Variants in PEAK1 observed in about 807,000 individuals in gnomAD.
The protein encoded by PEAK1 is pseudopodium enriched atypical kinase 1.
A neutral mutation model predicts 124.7 loss-of-function variants in PEAK1; 54 were observed. The ratio of observed to expected loss-of-function variants is 0.43; its 90% CI spans 0.35 to 0.54. The LOEUF (loss-of-function observed/expected upper bound fraction) is 0.54. Among genes scored for constraint, PEAK1 ranks in the 20% least tolerant of loss-of-function variants. PEAK1 has a pLI of 0.01. For synonymous variants in PEAK1, 719 were observed against 760.0 expected, an observed-to-expected ratio of 0.95 and a Z score of 0.89; for missense variants, 2,046 against 2,134.5, an observed-to-expected ratio of 0.96 and a Z score of 0.82.
chr15:77,403,048 T>C lies in PEAK1; in HGVS notation c.-666+16958A>G, dbSNP rs561810963. The C allele has an allele frequency of 2.6e-5, 26 of 985,296 alleles. No individual in the cohort carries two copies. The African/African-American group carries it at 4.5e-4, about 17-fold the overall frequency. The allele number at this position is 985,296 out of a possible 1,614,324, so 61.0% of individuals were successfully genotyped here. A position where few individuals can be genotyped will look rare whatever the true frequency, so the allele number is the denominator to read the frequency against. On this transcript the variant is annotated intron_variant, in intron 1 of 9. Transcript: ENST00000682557. ...GCAATGATGAAATGTTGCATCCCAT[T>C]GCAGAAGAAAAAGATGGAGTTTCTC...
rs141459364 is a variant in PEAK1 at position 77,226,539 on chromosome 15, C to T, written c.-115+25828G>A. On this transcript the variant is annotated intron_variant, in intron 6 of 9. Transcript: ENST00000682557. ...CAGAGAGTGTTGTGGAATTTGAAAACCGAGATGCCATGTATTTTCTCTGAC... is the reference window on the plus strand; with the variant it reads ...CAGAGAGTGTTGTGGAATTTGAAAATCGAGATGCCATGTATTTTCTCTGAC... 3.7e-3 allele frequency among the ~76,000 whole-genome samples: 558 copies of T among 152,062 alleles called. 1 individual carries two copies. The highest frequency in any genetic ancestry group is 6.6e-3 in the Admixed American group (101 of 15,252).
intron 6 of PEAK1, among the ~76,000 whole-genome samples, chr15:77,189,302 C>T (rs1281010090): frequency 6.6e-6 from 1 of 152,084 alleles, no homozygotes; most frequent in Non-Finnish European, 1.5e-5. Context: ...TGAAACTTGC[C>T]CAAGGTCACA....
intron 8 of PEAK1, among the ~76,000 whole-genome samples, chr15:77,138,940 T>C (rs79801250): frequency 6.6e-6 from 1 of 152,146 alleles, no homozygotes; most frequent in African/African-American, 2.4e-5. Flanking sequence ...CTTTTTTTTT[T>C]ATAAACTTTT....
chr15:77,178,163 C>T (rs1394334932), intron 7 of PEAK1: 1 of 152,248 alleles, frequency 6.6e-6, no homozygotes, highest in Non-Finnish European at 1.5e-5. Flanking sequence ...TGCAATCTGT[C>T]TAGCTGAACT....
rs1205376632 is a variant in PEAK1 at position 77,178,842 on chromosome 15, C to G, written c.3085G>C (p.Glu1029Gln). 5 of 1,614,096 alleles carry G rather than the reference C, an allele frequency of 3.1e-6. No homozygotes were observed. In the East Asian group the frequency reaches 1.1e-4, roughly 36 times the overall value. ...RAENALLQDS[E>Q]KKRSHSSPSQ... is the part of the protein sequence containing the mutation. ...GGAGAAGAATGACTCCTCTTCTTCT[C>G]TGAGTCCTGTAGTAATGCATTCTCT... Residue 1029 changes from glutamate (E) to glutamine (Q), a missense_variant, in exon 7 of 10, where the codon GAG becomes CAG. By Grantham distance (29) the Glu-to-Gln change is conservative. Transcript: ENST00000682557.
chr15:77,203,417 T>G (rs1006502686), intron 6 of PEAK1, among the ~76,000 whole-genome samples: 4 of 152,186 alleles, frequency 2.6e-5, no homozygotes, highest in South Asian at 2.1e-4. Flanking sequence ...CAGAATACAA[T>G]GATGAAGTTT....
At chr15:77,268,227 C>A (rs570339763) in intron 5 of PEAK1, among the ~76,000 whole-genome samples, 60 of 152,324 alleles carry the variant, frequency 3.9e-4, no homozygotes, top group African/African-American at 1.4e-3. Context: ...ATAAGCCCAG[C>A]ACTTTGGGAG....
At chr15:77,169,122 C>A (rs1209651153) in intron 7 of PEAK1, among the ~76,000 whole-genome samples, 2 of 151,986 alleles carry the variant, frequency 1.3e-5, no homozygotes, top group African/African-American at 4.8e-5. Context: ...GAGAAGGGGG[C>A]CTTGCTATGT....
At chr15:77,387,414 CT>C (rs1359864372) in intron 1 of PEAK1, among the ~76,000 whole-genome samples, 6 of 152,142 alleles carry the variant, frequency 3.9e-5, no homozygotes, top group Non-Finnish European at 7.4e-5. Context: ...CACATCTTAC[CT>C]TTTGTTTAAG....
intron 1 of PEAK1, among the ~76,000 whole-genome samples, chr15:77,396,712 G>T (rs540698542): frequency 2.0e-5 from 3 of 152,048 alleles, no homozygotes; most frequent in South Asian, 4.2e-4. Flanking sequence ...GGTCAACTCA[G>T]CAATTAGATA....
chr15:77,272,203 T>A (rs1189968927), intron 5 of PEAK1, among the ~76,000 whole-genome samples: 3 of 152,014 alleles, frequency 2.0e-5, no homozygotes, highest in Non-Finnish European at 4.4e-5. Flanking sequence ...CTCAAGGAGC[T>A]AGAGAAAGAA....
At chr15:77,267,067 T>C (rs2061776397) in intron 5 of PEAK1, among the ~76,000 whole-genome samples, 1 of 152,098 alleles carries the variant, frequency 6.6e-6, no homozygotes, top group Non-Finnish European at 1.5e-5. Flanking sequence ...GGACTCTGGC[T>C]GCCGGCATTC....
intron 7 of PEAK1, among the ~76,000 whole-genome samples, chr15:77,162,199 T>G (rs1260101951): frequency 6.6e-6 from 1 of 151,634 alleles, no homozygotes; most frequent in African/African-American, 2.4e-5. Flanking sequence ...ATTAATTTAG[T>G]AAGGGAATTT....
chr15:77,224,951 G>A (rs1228459542), intron 6 of PEAK1, among the ~76,000 whole-genome samples: 1 of 151,654 alleles, frequency 6.6e-6, no homozygotes, highest in Non-Finnish European at 1.5e-5. Flanking sequence ...TAATGTCTTT[G>A]CCTCTAGGTC....
At chr15:77,293,309 T>C (rs1435576193) in intron 2 of PEAK1, among the ~76,000 whole-genome samples, 1 of 152,220 alleles carries the variant, frequency 6.6e-6, no homozygotes, top group African/African-American at 2.4e-5. Context: ...CATTTCCTGG[T>C]ACCCATGTAA....
chr15:77,295,651 G>C (rs2063447427), intron 2 of PEAK1, among the ~76,000 whole-genome samples: 1 of 152,168 alleles, frequency 6.6e-6, no homozygotes, highest in Admixed American at 6.5e-5. Flanking sequence ...TTCCAACACA[G>C]TATTACATAA....
At chr15:77,188,155 T>G (rs1441333033) in intron 6 of PEAK1, among the ~76,000 whole-genome samples, 2 of 152,160 alleles carry the variant, frequency 1.3e-5, no homozygotes, top group Non-Finnish European at 2.9e-5. Context: ...AAAAAAAAAT[T>G]ATCATTCCTT....
At chr15:77,319,905 T>G (rs963521509) in intron 2 of PEAK1, among the ~76,000 whole-genome samples, 8 of 152,196 alleles carry the variant, frequency 5.3e-5, no homozygotes, top group African/African-American at 1.9e-4. Context: ...AGTGGGAAGC[T>G]GCTCCCAATG....
rs1303225253 is a variant in PEAK1, at chr15:77,112,385, T to C, written c.*1771A>G. On this transcript the variant is annotated 3_prime_UTR_variant, in exon 10 of 10. Coordinates refer to ENST00000682557, the MANE Select transcript of PEAK1 (RefSeq NM_001385026.1). ...CACTAATGTGCTATGTAAGTAATAC[T>C]GCACAGTCAGTCTTGGCTTTAAGGA... 1 of 152,250 alleles carries C rather than the reference T, an allele frequency of 6.6e-6. No individual in the cohort carries two copies. The highest frequency in any genetic ancestry group is 1.5e-5 in the Non-Finnish European group (1 of 68,050). The allele number at this position is 152,250 out of a possible 1,614,324, so 9.4% of individuals were successfully genotyped here. A position where few individuals can be genotyped will look rare whatever the true frequency, so the allele number is the denominator to read the frequency against.
Sources: allele counts gnomAD v4.1 joint callset (sites outside exome capture counted in the v4.1 genomes callset), GRCh38; gene constraint gnomAD v4.1.1; transcripts MANE v1.5; gene names NCBI Gene and HGNC (gene_info 2026-07-23, HGNC 2026-07-21).